The following SAMD4A variants were observed in gnomAD, a reference collection of about 807,000 sequenced individuals.
SAMD4A encodes the protein protein Smaug homolog 1.
SAMD4A carries 33 observed loss-of-function variants against 81.3 expected under a neutral mutation model. The observed-to-expected ratio is 0.41, with a 90% CI of 0.31 to 0.54. The LOEUF (loss-of-function observed/expected upper bound fraction) is 0.54. Among genes scored for constraint, SAMD4A ranks in the 20% least tolerant of loss-of-function variants. SAMD4A has a pLI of 0.37. For missense variants in SAMD4A, 854 were observed against 951.1 expected, an observed-to-expected ratio of 0.90 and a Z score of 1.34; for synonymous variants, 389 against 382.1, an observed-to-expected ratio of 1.02 and a Z score of -0.21.
intron 3 of SAMD4A, among the ~76,000 whole-genome samples, chr14:54,713,575 C>T (rs2037045190): frequency 6.6e-6 from 1 of 152,186 alleles, no homozygotes; most frequent in Admixed American, 6.5e-5. Flanking sequence ...AATTCCATGG[C>T]TAGAGCTAGA....
chr14:54,738,893 G>C (rs768057516), intron 4 of SAMD4A, among the ~76,000 whole-genome samples: 2 of 152,126 alleles, frequency 1.3e-5, no homozygotes, highest in Admixed American at 6.5e-5. Flanking sequence ...TGGTAACTGT[G>C]GGGAGGAAGC....
chr14:54,752,702 A>G lies in SAMD4A; in HGVS notation c.1176+1165A>G, dbSNP rs60806560. ...TAAGACACAGAGACAAAGTATAGAG[A>G]AACAACAGTGGGCCCAGGGGACCGG... On this transcript the variant is annotated intron_variant, in intron 6 of 12. Transcript: ENST00000554335. Among the ~76,000 whole-genome samples the G allele has an allele frequency of 6.0e-3, 913 of 152,324 alleles. 9 individuals carry two copies. Among genetic ancestry groups the G allele is most frequent in the African/African-American group, 0.021 (872 of 41,566 alleles).
chr14:54,642,058 A>C (rs989823968), intron 2 of SAMD4A, among the ~76,000 whole-genome samples: 1 of 152,164 alleles, frequency 6.6e-6, no homozygotes, highest in Admixed American at 6.5e-5. Flanking sequence ...TCGGCCTCCC[A>C]AAGTGCTGGG....
At chr14:54,712,068 C>T (rs2037003409) in intron 3 of SAMD4A, among the ~76,000 whole-genome samples, 1 of 152,146 alleles carries the variant, frequency 6.6e-6, no homozygotes, top group South Asian at 2.1e-4. Flanking sequence ...GGCAGCTCAG[C>T]TCTAGATGGG....
intron 11 of SAMD4A, among the ~76,000 whole-genome samples, chr14:54,777,457 A>T (rs1407677423): frequency 4.6e-5 from 7 of 152,244 alleles, no homozygotes; most frequent in Non-Finnish European, 2.9e-5. Context: ...GCAAAGGTCC[A>T]GAATACCACA....
At chr14:54,613,227 C>A (rs1255359631) in intron 2 of SAMD4A, among the ~76,000 whole-genome samples, 1 of 151,982 alleles carries the variant, frequency 6.6e-6, no homozygotes, top group Non-Finnish European at 1.5e-5. Context: ...GAAAGTGAAG[C>A]CAAGGAGAGC....
chr14:54,697,572 G>T (rs1298745566), intron 2 of SAMD4A, among the ~76,000 whole-genome samples: 2 of 152,158 alleles, frequency 1.3e-5, no homozygotes, highest in African/African-American at 2.4e-5. Flanking sequence ...ATGTTTAGTG[G>T]CAACGGGAAC....
chr14:54,719,851 C>T (rs1000438985), intron 3 of SAMD4A, among the ~76,000 whole-genome samples: 1 of 152,174 alleles, frequency 6.6e-6, no homozygotes, highest in East Asian at 1.9e-4. Context: ...TGAAGACATC[C>T]TTCTATTCTC....
chr14:54,787,591 G>T (rs535411661), intron 12 of SAMD4A, among the ~76,000 whole-genome samples: 1 of 152,332 alleles, frequency 6.6e-6, no homozygotes, highest in Non-Finnish European at 1.5e-5. Flanking sequence ...TAATATTGGG[G>T]CTTGGACTGG....
At chr14:54,607,403 C>T (rs1230098868) in intron 2 of SAMD4A, among the ~76,000 whole-genome samples, 1 of 151,238 alleles carries the variant, frequency 6.6e-6, no homozygotes, top group Non-Finnish European at 1.5e-5. Context: ...GGAAAAGTGG[C>T]ACTTTGAGAG....
chr14:54,742,953 T>C (rs2037880793), intron 4 of SAMD4A, among the ~76,000 whole-genome samples: 1 of 152,234 alleles, frequency 6.6e-6, no homozygotes, highest in Non-Finnish European at 1.5e-5. Flanking sequence ...AAAGGAAATA[T>C]GTGGTCTACT....
intron 8 of SAMD4A, among the ~76,000 whole-genome samples, chr14:54,766,702 C>T (rs531686240): frequency 3.3e-5 from 5 of 152,106 alleles, no homozygotes; most frequent in Non-Finnish European, 5.9e-5. Context: ...TAAAAGCACA[C>T]CGGAACTCTG....
chr14:54,713,070 AACAG>A (rs1211819719), intron 3 of SAMD4A, among the ~76,000 whole-genome samples: 3 of 152,284 alleles, frequency 2.0e-5, no homozygotes, highest in African/African-American at 7.2e-5. Flanking sequence ...CTGTTCTACA[AACAG>A]ACAGGAAAAC....
chr14:54,756,721 C>A (rs2038248085), intron 6 of SAMD4A, among the ~76,000 whole-genome samples: 1 of 152,226 alleles, frequency 6.6e-6, no homozygotes, highest in Non-Finnish European at 1.5e-5. Context: ...GCTGAGGACA[C>A]TTCGGCTGCT....
chr14:54,786,874 G>C (rs2039154454), intron 12 of SAMD4A, among the ~76,000 whole-genome samples: 1 of 152,142 alleles, frequency 6.6e-6, no homozygotes, highest in Non-Finnish European at 1.5e-5. Flanking sequence ...TTTTCATCTT[G>C]TTAATCTCCT....
At chr14:54,669,337 GAAA>G (rs1021427261) in intron 2 of SAMD4A, among the ~76,000 whole-genome samples, 38 of 151,154 alleles carry the variant, frequency 2.5e-4, no homozygotes, top group African/African-American at 9.0e-4. Context: ...GCTCAGGAAA[GAAA>G]AAAGTCACAG....
chr14:54,612,037 A>G (rs2034371384), intron 2 of SAMD4A, among the ~76,000 whole-genome samples: 1 of 152,200 alleles, frequency 6.6e-6, no homozygotes, highest in East Asian at 1.9e-4. Context: ...GAAGGGAGCC[A>G]GATGGGCAGT....
chr14:54,614,011 C>G (rs1489988954), intron 2 of SAMD4A, among the ~76,000 whole-genome samples: 1 of 152,212 alleles, frequency 6.6e-6, no homozygotes, highest in African/African-American at 2.4e-5. Flanking sequence ...CAACAATTGT[C>G]TAAGAAGGCT....
chr14:54,655,346 G>C (rs1421802509), intron 2 of SAMD4A, among the ~76,000 whole-genome samples: 1 of 152,164 alleles, frequency 6.6e-6, no homozygotes, highest in African/African-American at 2.4e-5. Context: ...GGTTGACTGA[G>C]TTTATTCCAG....
Sources: allele counts gnomAD v4.1 joint callset (sites outside exome capture counted in the v4.1 genomes callset), GRCh38; gene constraint gnomAD v4.1.1; transcripts MANE v1.5; gene names NCBI Gene and HGNC (gene_info 2026-07-23, HGNC 2026-07-21).